LRP1B: variants seen among roughly 807,000 people sequenced by gnomAD.
LRP1B encodes LDL receptor related protein 1B.
In LRP1B, 217 loss-of-function variants were observed where a neutral mutation model predicts 556.6. The ratio of observed to expected loss-of-function variants is 0.39; its 90% CI spans 0.35 to 0.44. The LOEUF (loss-of-function observed/expected upper bound fraction) is 0.44, where lower values mean the gene tolerates loss of function less well. Ranked by LOEUF, LRP1B falls within the 20% of genes least tolerant of loss-of-function variation. The probability of loss-of-function intolerance (pLI) is 1.00; values close to 1 mark genes in which losing one functional copy is unlikely to be tolerated. For synonymous variants in LRP1B, 2,047 were observed against 1,865.8 expected (o/e 1.10, Z -2.50); for missense variants, 5,053 against 5,620.8 (o/e 0.90, Z 3.23).
chr2:141,091,977 C>A (rs757329484), intron 7 of LRP1B, among the ~76,000 whole-genome samples: 4 of 152,118 alleles, frequency 2.6e-5, no homozygotes, highest in African/African-American at 4.8e-5. Context: ...TTTTTATTAA[C>A]TTTTCATAAA....
At chr2:140,875,483 A>T (rs1254131325) in intron 25 of LRP1B, among the ~76,000 whole-genome samples, 2 of 152,190 alleles carry the variant, frequency 1.3e-5, no homozygotes, top group African/African-American at 4.8e-5. Flanking sequence ...TATTGTTTTT[A>T]AAATTAAGTC....
rs550935412 is a variant in LRP1B, at chr2:141,111,900, G to A, written c.1014-49627C>T. On this transcript the variant is annotated intron_variant, in intron 7 of 90. Coordinates refer to ENST00000389484, the MANE Select transcript of LRP1B (RefSeq NM_018557.3). The stretch of plus-strand genomic sequence containing the variant: ...CTCTACCAAAAATATAAAAAAATTA[G>A]CCCAGTATGGTGGTATGCACCTGTA... Among the ~76,000 whole-genome samples, 79 of 151,860 alleles carry A rather than the reference G, an allele frequency of 5.2e-4. No individual in the cohort carries two copies. The South Asian group carries it at 0.016, about 31-fold the overall frequency.
intron 2 of LRP1B, among the ~76,000 whole-genome samples, chr2:141,496,623 G>T (rs1401652858): frequency 1.3e-5 from 2 of 151,812 alleles, no homozygotes; most frequent in East Asian, 3.9e-4. Context: ...TTAATATATT[G>T]GCACATCCTG....
intron 2 of LRP1B, among the ~76,000 whole-genome samples, chr2:141,706,620 G>A (rs1692149378): frequency 1.3e-5 from 2 of 151,932 alleles, no homozygotes; most frequent in African/African-American, 4.8e-5. Flanking sequence ...GCTGATCCTT[G>A]GCATTGCTAT....
intron 5 of LRP1B, among the ~76,000 whole-genome samples, chr2:141,231,967 T>C (rs1011837062): frequency 3.3e-5 from 5 of 152,082 alleles, no homozygotes; most frequent in Admixed American, 2.6e-4. Flanking sequence ...ACAACAAAAA[T>C]ATTCTTAAAA....
At chr2:141,721,427 T>C (rs867581482) in intron 2 of LRP1B, among the ~76,000 whole-genome samples, 8 of 152,284 alleles carry the variant, frequency 5.3e-5, no homozygotes, top group Middle Eastern at 6.8e-3. Flanking sequence ...TCAAGCAGAT[T>C]GTAAAAAGCC....
intron 3 of LRP1B, among the ~76,000 whole-genome samples, chr2:141,391,441 G>C (rs758821290): frequency 6.6e-6 from 1 of 152,146 alleles, no homozygotes; most frequent in Non-Finnish European, 1.5e-5. Context: ...GTGACACACA[G>C]TGCAGGCTTA....
At chr2:140,766,823 A>ATACATATATAT (rs1689121441) in intron 35 of LRP1B, among the ~76,000 whole-genome samples, 1 of 74,698 alleles carries the variant, frequency 1.3e-5, no homozygotes, top group African/African-American at 5.5e-5. Flanking sequence ...TCTTTGTAAA[A>ATACATATATAT]TATATATATA....
intron 7 of LRP1B, among the ~76,000 whole-genome samples, chr2:141,123,107 G>T (rs1701105732): frequency 6.6e-6 from 1 of 151,924 alleles, no homozygotes; most frequent in South Asian, 2.1e-4. Context: ...CATGGGGTGG[G>T]GAGAGGGATA....
intron 66 of LRP1B, among the ~76,000 whole-genome samples, chr2:140,433,247 A>G (rs1242089719): frequency 6.6e-6 from 1 of 152,074 alleles, no homozygotes; most frequent in Non-Finnish European, 1.5e-5. Context: ...ACAGGCGCAC[A>G]TCACCATGCC....
chr2:141,306,477 T>C (rs1422294205), intron 3 of LRP1B, among the ~76,000 whole-genome samples: 2 of 152,150 alleles, frequency 1.3e-5, no homozygotes, highest in African/African-American at 4.8e-5. Flanking sequence ...AGTTGTAATG[T>C]TTCCTCTTTG....
At chr2:140,653,597 A>C (rs1027767920) in intron 41 of LRP1B, among the ~76,000 whole-genome samples, 1 of 152,146 alleles carries the variant, frequency 6.6e-6, no homozygotes, top group Admixed American at 6.5e-5. Flanking sequence ...GCTATGTAAG[A>C]AAACAAGTTT....
At chr2:141,681,501 T>C (rs1248156119) in intron 2 of LRP1B, among the ~76,000 whole-genome samples, 1 of 151,998 alleles carries the variant, frequency 6.6e-6, no homozygotes, top group Admixed American at 6.6e-5. Flanking sequence ...TAATTTATTT[T>C]TTTCCTGTTA....
At chr2:140,441,755 C>CT (rs1034821782) in intron 66 of LRP1B, among the ~76,000 whole-genome samples, 9 of 152,106 alleles carry the variant, frequency 5.9e-5, no homozygotes, top group African/African-American at 2.2e-4. Flanking sequence ...AGATGAAATG[C>CT]TTTTTGCTTA....
rs771716990 is a variant in LRP1B at position 140,370,743 on chromosome 2, C to T, written c.10975G>A (p.Val3659Met). 5 of 1,612,892 alleles carry T rather than the reference C, an allele frequency of 3.1e-6. No homozygotes were observed. The highest frequency in any genetic ancestry group is 1.7e-4 in the Middle Eastern group (1 of 6,052). ...RWLCDGIHDCVDGSDEENCER... is the reference protein window; with the variant it reads ...RWLCDGIHDCMDGSDEENCER... ...CAGTTCTCTTCATCACTGCCATCCA[C>T]ACAGTCATGAATTCCATCACACAGC... Residue 3659 changes from valine (V) to methionine (M), a missense_variant, in exon 71 of 91, where the codon GTG (valine) becomes ATG (methionine). By Grantham distance (21) the Val-to-Met change is conservative. This residue lies in a region of LRP1B where 599 missense variants were observed against 648.4 expected (regional missense o/e 0.92). Transcript: ENST00000389484.
intron 1 of LRP1B, among the ~76,000 whole-genome samples, chr2:142,082,099 T>C (rs1293006469): frequency 6.6e-6 from 1 of 152,220 alleles, no homozygotes; most frequent in East Asian, 1.9e-4. Flanking sequence ...TATTATAATT[T>C]GGAAGTATAA....
intron 1 of LRP1B, among the ~76,000 whole-genome samples, chr2:142,095,903 A>T (rs1426861770): frequency 2.0e-5 from 3 of 151,718 alleles, no homozygotes; most frequent in Admixed American, 1.3e-4. Flanking sequence ...CTATGTCAAG[A>T]TCGCTCAGGA....
At chr2:140,426,748 C>T (rs959967959) in intron 66 of LRP1B, among the ~76,000 whole-genome samples, 1 of 152,194 alleles carries the variant, frequency 6.6e-6, no homozygotes, top group Non-Finnish European at 1.5e-5. Context: ...AAATAAACAG[C>T]CTTGTTGCTC....
chr2:141,166,802 T>C (rs1680284537), intron 7 of LRP1B, among the ~76,000 whole-genome samples: 1 of 152,024 alleles, frequency 6.6e-6, no homozygotes. Context: ...AAAGGATAAA[T>C]AGCATTCTTT....
Sources: gnomAD v4.1 joint callset for allele counts (sites outside exome capture counted in the v4.1 genomes callset) on GRCh38, gnomAD v4.1.1 for gene constraint, gnomAD v4.1.1 regional missense constraint, MANE v1.5 for transcripts, NCBI Gene and HGNC (gene_info 2026-07-23, HGNC 2026-07-21) for gene names.